Variants in XRN2 observed in about 807,000 individuals in gnomAD.
The protein encoded by XRN2 is 5'-3' exoribonuclease 2.
In XRN2, 44 loss-of-function variants were observed where a neutral mutation model predicts 138.5. That is an observed-to-expected ratio of 0.32 (90% CI 0.25 to 0.41). The LOEUF (loss-of-function observed/expected upper bound fraction) is 0.41, where lower values mean the gene tolerates loss of function less well. Among genes scored for constraint, XRN2 ranks in the 10% least tolerant of loss-of-function variants. The pLI, the probability that XRN2 is intolerant of heterozygous loss-of-function variation, is 1.00. For synonymous variants in XRN2, 354 were observed against 369.4 expected, an observed-to-expected ratio of 0.96 and a Z score of 0.48; for missense variants, 937 against 1,169.3, an observed-to-expected ratio of 0.80 and a Z score of 2.90.
At chr20:21,348,930 A>C (rs1226468191) in intron 19 of XRN2, among the ~76,000 whole-genome samples, 2 of 152,156 alleles carry the variant, frequency 1.3e-5, no homozygotes, top group African/African-American at 4.8e-5. Flanking sequence ...GGCGTGAGCC[A>C]CCGTGCCTGG....
At chr20:21,303,945 C>A (rs2037778441) in intron 1 of XRN2, 1 of 806,878 alleles carries the variant, frequency 1.2e-6, no homozygotes, top group Non-Finnish European at 1.5e-6. Context: ...TCGTTGTTTA[C>A]CAATTGTGCC....
chr20:21,364,804 C>T (rs370667778), intron 24 of XRN2, among the ~76,000 whole-genome samples: 1 of 95,502 alleles, frequency 1.0e-5, no homozygotes, highest in Non-Finnish European at 2.2e-5. Flanking sequence ...AGACCTGTCT[C>T]AAAAAAAAAA....
chr20:21,337,197 T>A (rs1354900360), intron 13 of XRN2, among the ~76,000 whole-genome samples: 5 of 152,180 alleles, frequency 3.3e-5, no homozygotes, highest in Non-Finnish European at 5.9e-5. Flanking sequence ...TTGGAAGTAC[T>A]GTGTGGAGGG....
chr20:21,350,194 C>T (rs1354615902), intron 20 of XRN2, among the ~76,000 whole-genome samples: 1 of 152,102 alleles, frequency 6.6e-6, no homozygotes, highest in Non-Finnish European at 1.5e-5. Flanking sequence ...GTTTACCACT[C>T]AACCAATATG....
In XRN2 at chr20:21,350,417, T is replaced by TC. The variant is rs1476427980; in HGVS notation, c.1936+957dup. Among the ~76,000 whole-genome samples the TC allele has an allele frequency of 2.7e-5, 4 of 145,496 alleles. No homozygotes were observed. In the East Asian group the frequency reaches 8.4e-4, roughly 31 times the overall value. ...GGCGGGCGCCTGTAGTCCCAGCTAC[T>TC]CGGGAGGCAGAGGCAGGAGAATGGC... On this transcript the variant is annotated intron_variant, in intron 20 of 29. Coordinates refer to ENST00000377191, the MANE Select transcript of XRN2 (RefSeq NM_012255.5).
In XRN2 at chr20:21,304,375, G is replaced by C. The variant is rs1218740878; in HGVS notation, c.75+902G>C. On this transcript the variant is annotated intron_variant, in intron 1 of 29. Transcript: ENST00000377191. ...TTTTTTTTTTTTTTTAACTTTCTTG[G>C]CTTCTATCCAAGGAGGAACCAAAAG... Among the ~76,000 whole-genome samples, 6 of 148,868 alleles carry C rather than the reference G, an allele frequency of 4.0e-5. No homozygotes were observed. In the East Asian group the frequency reaches 1.2e-3, roughly 29 times the overall value.
At chr20:21,375,010 CTTTTTTTTTTT>C (rs34212552) in intron 27 of XRN2, among the ~76,000 whole-genome samples, 903 of 44,832 alleles carry the variant, frequency 0.02, 25 homozygotes, top group African/African-American at 0.071. Context: ...TTGGTAAGTT[CTTTTTTTTTTT>C]TTTTTTTTTT....
chr20:21,304,489 T>C (rs2037787637), intron 1 of XRN2, among the ~76,000 whole-genome samples: 2 of 152,240 alleles, frequency 1.3e-5, no homozygotes, highest in Non-Finnish European at 2.9e-5. Context: ...AAAATTTTAA[T>C]CGAACTTTAT....
intron 4 of XRN2, 100 bp downstream of exon 4, chr20:21,328,770 T>A: frequency 2.0e-6 from 2 of 1,022,366 alleles, no homozygotes; most frequent in Non-Finnish European, 2.9e-6. Context: ...GCTTTTAATT[T>A]AATAAGGATC....
chr20:21,383,802 C>T (rs2038910659), intron 28 of XRN2, among the ~76,000 whole-genome samples: 1 of 152,164 alleles, frequency 6.6e-6, no homozygotes, highest in Admixed American at 6.5e-5. Flanking sequence ...ACTTTGTGAA[C>T]CCAGCAGGTT....
At chr20:21,305,234 G>C (rs933413527) in intron 1 of XRN2, among the ~76,000 whole-genome samples, 47 of 152,162 alleles carry the variant, frequency 3.1e-4, no homozygotes, top group Admixed American at 3.1e-3. Context: ...GGGAGGTACT[G>C]TTTTCTGGAT....
intron 24 of XRN2, among the ~76,000 whole-genome samples, chr20:21,358,626 T>C (rs1439129015): frequency 6.6e-6 from 1 of 152,200 alleles, no homozygotes; most frequent in Non-Finnish European, 1.5e-5. Context: ...CTTTGTGAAA[T>C]ATAAACATGT....
intron 6 of XRN2, among the ~76,000 whole-genome samples, 171 bp from the exon 7 acceptor site, chr20:21,331,390 T>C (rs1043321349): frequency 1.8e-4 from 23 of 128,038 alleles, no homozygotes; most frequent in African/African-American, 6.7e-4. Flanking sequence ...GAAGTAGTTT[T>C]GGTGTTTTTC....
chr20:21,310,533 CTT>C (rs1241253878), intron 1 of XRN2, among the ~76,000 whole-genome samples: 1 of 152,098 alleles, frequency 6.6e-6, no homozygotes, highest in Admixed American at 6.5e-5. Flanking sequence ...GGATAATACA[CTT>C]ATTATGAAAT....
intron 15 of XRN2, among the ~76,000 whole-genome samples, chr20:21,343,408 A>G (rs1055848677): frequency 6.6e-6 from 1 of 152,016 alleles, no homozygotes; most frequent in Admixed American, 6.6e-5. Context: ...TCTTTGAAAT[A>G]CCAATAAAAT....
At chr20:21,317,216 CTGTTAGGTTAT>C (rs1397202998) in intron 1 of XRN2, among the ~76,000 whole-genome samples, 2 of 152,078 alleles carry the variant, frequency 1.3e-5, no homozygotes, top group African/African-American at 4.8e-5. Context: ...ATGATGTTAA[CTGTTAGGTTAT>C]TTTTTTGTTT....
chr20:21,336,658 A>T (rs1234063573), intron 13 of XRN2, among the ~76,000 whole-genome samples: 1 of 152,226 alleles, frequency 6.6e-6, no homozygotes, highest in Non-Finnish European at 1.5e-5. Flanking sequence ...GGAGACAGAA[A>T]TCCCTGCCCT....
intron 27 of XRN2, among the ~76,000 whole-genome samples, chr20:21,377,618 A>C (rs1352008301): frequency 6.7e-6 from 1 of 150,284 alleles, no homozygotes; most frequent in African/African-American, 2.5e-5. Flanking sequence ...TTATTTTGTG[A>C]TCTTGTTACT....
intron 26 of XRN2, among the ~76,000 whole-genome samples, chr20:21,365,945 A>G (rs2038693036): frequency 8.3e-6 from 1 of 120,488 alleles, no homozygotes; most frequent in African/African-American, 3.2e-5. Flanking sequence ...TTATAAATTT[A>G]TATATATATA....
Sources: gnomAD v4.1 joint callset for allele counts (sites outside exome capture counted in the v4.1 genomes callset) on GRCh38, gnomAD v4.1.1 for gene constraint, MANE v1.5 for transcripts, NCBI Gene and HGNC (gene_info 2026-07-23, HGNC 2026-07-21) for gene names.